Variants in SLC2A13 observed in about 807,000 individuals in gnomAD.
SLC2A13 encodes the protein proton myo-inositol cotransporter.
A neutral mutation model predicts 64.4 loss-of-function variants in SLC2A13; 32 were observed. The observed-to-expected ratio is 0.50, with a 90% confidence interval of 0.37 to 0.67. SLC2A13 has a LOEUF of 0.67. SLC2A13 is among the 30% of genes least tolerant of loss of function. SLC2A13 has a pLI of 0.00. For missense variants in SLC2A13, 743 were observed against 829.2 expected (o/e 0.90, Z 1.28); for synonymous variants, 338 against 327.1 (o/e 1.03, Z -0.36).
intron 4 of SLC2A13, among the ~76,000 whole-genome samples, chr12:39,876,980 C>T (rs575392501): frequency 6.6e-6 from 1 of 152,096 alleles, no homozygotes; most frequent in South Asian, 2.1e-4. Flanking sequence ...TTCTTTAGCT[C>T]TTTTAGTTCC....
intron 1 of SLC2A13, among the ~76,000 whole-genome samples, chr12:40,051,932 T>G (rs1236166088): frequency 6.6e-6 from 1 of 152,100 alleles, no homozygotes; most frequent in Non-Finnish European, 1.5e-5. Flanking sequence ...GGAAAATTGA[T>G]TGCAGGGAAG....
At chr12:40,080,671 C>T (rs553262840) in intron 1 of SLC2A13, among the ~76,000 whole-genome samples, 1 of 152,298 alleles carries the variant, frequency 6.6e-6, no homozygotes, top group South Asian at 2.1e-4. Context: ...GGATTACAGG[C>T]ATAAGCCACA....
In SLC2A13 at chr12:40,058,860, C is replaced by T. The variant is rs111530454; in HGVS notation, c.557-10650G>A. 8.7e-3 allele frequency among the ~76,000 whole-genome samples: 1,319 copies of T among 152,254 alleles called. 15 individuals are homozygous for T. The highest frequency in any genetic ancestry group is 0.03 in the African/African-American group (1,234 of 41,540). ...CATTATATGACAAACACTTCATGAA[C>T]GAGTCAGATGACTGTGAAAAGGGCA... is the stretch of plus-strand genomic sequence containing the variant. On this transcript the variant is annotated intron_variant, in intron 1 of 9. Transcript: ENST00000280871.
At chr12:39,988,190 T>C (rs1236463656) in intron 3 of SLC2A13, among the ~76,000 whole-genome samples, 2 of 152,180 alleles carry the variant, frequency 1.3e-5, no homozygotes, top group Non-Finnish European at 2.9e-5. Context: ...GTAAATGTCT[T>C]ATTTTTAACA....
chr12:39,856,238 C>T (rs1943603249), intron 6 of SLC2A13, among the ~76,000 whole-genome samples: 1 of 151,990 alleles, frequency 6.6e-6, no homozygotes, highest in Non-Finnish European at 1.5e-5. Flanking sequence ...TCTATCCATG[C>T]ATCCATCCAT....
chr12:39,974,015 G>C (rs995921866), intron 3 of SLC2A13, among the ~76,000 whole-genome samples: 2 of 152,194 alleles, frequency 1.3e-5, no homozygotes, highest in African/African-American at 4.8e-5. Flanking sequence ...AATTAGACAT[G>C]CCTCAGTTTC....
chr12:40,006,226 T>C (rs570306681), intron 3 of SLC2A13, among the ~76,000 whole-genome samples: 2 of 152,318 alleles, frequency 1.3e-5, no homozygotes, highest in East Asian at 3.9e-4. Flanking sequence ...ACAATATTAT[T>C]TTTTTCCAAA....
At chr12:39,828,329 T>G (rs1942749635) in intron 7 of SLC2A13, among the ~76,000 whole-genome samples, 1 of 152,136 alleles carries the variant, frequency 6.6e-6, no homozygotes, top group South Asian at 2.1e-4. Flanking sequence ...TTTTTTTTAG[T>G]TATTTTTATT....
chr12:39,806,076 T>G (rs953431025), intron 7 of SLC2A13, among the ~76,000 whole-genome samples: 8 of 152,220 alleles, frequency 5.3e-5, no homozygotes, highest in Non-Finnish European at 1.0e-4. Context: ...GCAACAGAAC[T>G]GATTATTTAA....
At chr12:39,794,578 C>T (rs1237276016) in intron 7 of SLC2A13, among the ~76,000 whole-genome samples, 1 of 152,140 alleles carries the variant, frequency 6.6e-6, no homozygotes, top group Non-Finnish European at 1.5e-5. Flanking sequence ...TCAAAGAAGG[C>T]AAAGGCAGGT....
intron 3 of SLC2A13, among the ~76,000 whole-genome samples, chr12:39,965,935 G>A (rs1357617502): frequency 6.6e-6 from 1 of 151,966 alleles, no homozygotes; most frequent in Non-Finnish European, 1.5e-5. Context: ...ATCCCTGAGT[G>A]CTCAGATTTA....
At chr12:39,763,609 G>A (rs1183574513) in intron 9 of SLC2A13, among the ~76,000 whole-genome samples, 3 of 152,024 alleles carry the variant, frequency 2.0e-5, no homozygotes, top group African/African-American at 7.2e-5. Flanking sequence ...AGTGGCCAGA[G>A]CACAGAGTAA....
intron 4 of SLC2A13, among the ~76,000 whole-genome samples, chr12:39,886,035 T>C (rs905719325): frequency 6.6e-6 from 1 of 152,226 alleles, no homozygotes; most frequent in Admixed American, 6.5e-5. Context: ...TTTACTTTAC[T>C]GCTTCTTCAT....
intron 1 of SLC2A13, among the ~76,000 whole-genome samples, chr12:40,064,500 G>A (rs1351576345): frequency 6.6e-6 from 1 of 150,838 alleles, no homozygotes; most frequent in Non-Finnish European, 1.5e-5. Context: ...CTCTGAAATA[G>A]ACTAACAGAC....
intron 1 of SLC2A13, among the ~76,000 whole-genome samples, chr12:40,074,766 G>A (rs1440659647): frequency 6.6e-6 from 1 of 151,998 alleles, no homozygotes; most frequent in Non-Finnish European, 1.5e-5. Context: ...ACTGGTTAAC[G>A]GATATAAATA....
At chr12:40,024,737 T>C (rs574033225) in intron 3 of SLC2A13, among the ~76,000 whole-genome samples, 2 of 152,358 alleles carry the variant, frequency 1.3e-5, no homozygotes, top group South Asian at 2.1e-4. Flanking sequence ...CAATAAATAC[T>C]TTTGAAAGAA....
chr12:39,935,046 G>A (rs893474314), intron 4 of SLC2A13, among the ~76,000 whole-genome samples: 1 of 152,186 alleles, frequency 6.6e-6, no homozygotes, highest in Non-Finnish European at 1.5e-5. Context: ...CCAAGAGAAA[G>A]AGATATGACT....
At chr12:40,092,202 A>C (rs1365090707) in intron 1 of SLC2A13, among the ~76,000 whole-genome samples, 1 of 152,228 alleles carries the variant, frequency 6.6e-6, no homozygotes. Flanking sequence ...AAACCAGGAA[A>C]TGTGGCTCAA....
In SLC2A13 at chr12:39,806,914, C is replaced by T. The variant is rs148653212; in HGVS notation, c.1445+23189G>A. ...GCAATAAGAAGGTGTGATCAACTGA[C>T]ACATACAACATGAATCTCCAGAGAA... On this transcript the variant is annotated intron_variant, in intron 7 of 9. Coordinates refer to ENST00000280871, the MANE Select transcript of SLC2A13 (RefSeq NM_052885.4). Among the ~76,000 whole-genome samples the T allele has an allele frequency of 3.1e-3, 470 of 152,230 alleles. 2 individuals are homozygous for T. The highest frequency in any genetic ancestry group is 9.8e-3 in the African/African-American group (406 of 41,534).
Sources: allele counts gnomAD v4.1 joint callset (sites outside exome capture counted in the v4.1 genomes callset), GRCh38; gene constraint gnomAD v4.1.1; transcripts MANE v1.5; gene names NCBI Gene and HGNC (gene_info 2026-07-23, HGNC 2026-07-21).